Variants in DCC observed in about 807,000 individuals in gnomAD.
DCC encodes DCC netrin 1 receptor, also known as netrin receptor DCC.
A neutral mutation model predicts 172.5 loss-of-function variants in DCC; 58 were observed. The observed-to-expected ratio is 0.34, with a 90% CI of 0.27 to 0.42. DCC has a LOEUF of 0.42. DCC is among the 10% of genes least tolerant of loss of function. The pLI, the probability that DCC is intolerant of heterozygous loss-of-function variation, is 1.00. For missense variants in DCC, 1,740 were observed against 1,791.0 expected (o/e 0.97, Z 0.51); for synonymous variants, 709 against 644.5 (o/e 1.10, Z -1.52).
At chr18:53,257,652 GA>G (rs1598954489) in intron 12 of DCC, among the ~76,000 whole-genome samples, 2 of 152,036 alleles carry the variant, frequency 1.3e-5, no homozygotes, top group East Asian at 3.9e-4. Context: ...GTTCATCAGG[GA>G]TATTGGTCTA....
intron 2 of DCC, among the ~76,000 whole-genome samples, chr18:52,868,219 G>A (rs540581003): frequency 2.4e-4 from 36 of 152,088 alleles, no homozygotes; most frequent in African/African-American, 8.0e-4. Context: ...TGGTGTACTT[G>A]TTCTAATAGC....
chr18:52,675,512 C>T (rs116586054), intron 1 of DCC, among the ~76,000 whole-genome samples: 15 of 152,220 alleles, frequency 9.9e-5, no homozygotes, highest in African/African-American at 3.6e-4. Flanking sequence ...AGTCTCATGC[C>T]TCCCTAAAAT....
At chr18:52,992,838 G>C (rs185314608) in intron 5 of DCC, among the ~76,000 whole-genome samples, 94 of 152,176 alleles carry the variant, frequency 6.2e-4, no homozygotes, top group African/African-American at 2.1e-3. Flanking sequence ...AGCTGGGTGT[G>C]GTGGTACATG....
chr18:52,561,716 A>C (rs570072152), intron 1 of DCC, among the ~76,000 whole-genome samples: 1 of 152,278 alleles, frequency 6.6e-6, no homozygotes, highest in African/African-American at 2.4e-5. Flanking sequence ...CTATCATGAA[A>C]TTATATGGTG....
At chr18:52,691,763 C>T (rs955650520) in intron 1 of DCC, among the ~76,000 whole-genome samples, 1 of 152,136 alleles carries the variant, frequency 6.6e-6, no homozygotes, top group Non-Finnish European at 1.5e-5. Flanking sequence ...GTACGGGGCA[C>T]AGTTTAACTC....
At chr18:53,124,547 G>A (rs2043527958) in intron 7 of DCC, among the ~76,000 whole-genome samples, 1 of 152,068 alleles carries the variant, frequency 6.6e-6, no homozygotes, top group Admixed American at 6.6e-5. Flanking sequence ...ACATTACTTA[G>A]TTGTGGGTTA....
intron 1 of DCC, among the ~76,000 whole-genome samples, chr18:52,454,585 G>A (rs909910534): frequency 2.6e-5 from 4 of 151,646 alleles, no homozygotes; most frequent in African/African-American, 4.8e-5. Context: ...ATCAGCTTAC[G>A]GTATTAACAT....
intron 1 of DCC, among the ~76,000 whole-genome samples, chr18:52,650,784 C>T (rs10083955): frequency 0.14 from 20,926 of 152,122 alleles, 1,723 homozygotes; most frequent in Non-Finnish European, 0.19. Context: ...CAGAGACAAA[C>T]AATAAACACA....
intron 7 of DCC, among the ~76,000 whole-genome samples, chr18:53,072,447 G>C (rs1397551937): frequency 1.3e-5 from 2 of 152,182 alleles, no homozygotes; most frequent in Non-Finnish European, 2.9e-5. Flanking sequence ...CCTGGTTCTA[G>C]ATGTTGCATG....
chr18:53,020,910 G>T (rs1295863984), intron 5 of DCC, among the ~76,000 whole-genome samples: 1 of 151,272 alleles, frequency 6.6e-6, no homozygotes, highest in African/African-American at 2.4e-5. Context: ...ACCACCTCTA[G>T]ACCAATAGAA....
At chr18:53,058,630 G>C (rs1284745512) in intron 5 of DCC, among the ~76,000 whole-genome samples, 1 of 152,052 alleles carries the variant, frequency 6.6e-6, no homozygotes, top group East Asian at 1.9e-4. Flanking sequence ...GATCAAAAAA[G>C]GGAAAATTGG....
chr18:53,430,404 T>C (rs1459104102), intron 21 of DCC, among the ~76,000 whole-genome samples: 3 of 152,122 alleles, frequency 2.0e-5, no homozygotes, highest in African/African-American at 7.2e-5. Context: ...TCCACTTTTC[T>C]CCATGTCTTC....
chr18:52,584,853 T>G (rs146612772), intron 1 of DCC, among the ~76,000 whole-genome samples: 22 of 152,214 alleles, frequency 1.4e-4, no homozygotes, highest in African/African-American at 4.6e-4. Flanking sequence ...ACCACTACTT[T>G]AGGCAGTAAT....
At chr18:53,527,307 C>T (rs972230972) in intron 28 of DCC, among the ~76,000 whole-genome samples, 1 of 151,370 alleles carries the variant, frequency 6.6e-6, no homozygotes, top group African/African-American at 2.4e-5. Context: ...CAGCCCTGAA[C>T]TTCTTAGCTC....
intron 7 of DCC, among the ~76,000 whole-genome samples, chr18:53,151,624 T>C (rs1177699161): frequency 6.6e-6 from 1 of 151,886 alleles, no homozygotes; most frequent in East Asian, 1.9e-4. Context: ...AAGCATACAA[T>C]GTTATCTGGC....
intron 12 of DCC, among the ~76,000 whole-genome samples, chr18:53,237,511 T>A (rs568523681): frequency 3.9e-5 from 6 of 152,142 alleles, no homozygotes; most frequent in Non-Finnish European, 8.8e-5. Flanking sequence ...AGTAGTCATA[T>A]TGAGTGCTCA....
At chr18:53,019,083 G>A (rs534303707) in intron 5 of DCC, among the ~76,000 whole-genome samples, 6 of 152,228 alleles carry the variant, frequency 3.9e-5, no homozygotes, top group Admixed American at 3.3e-4. Flanking sequence ...ATTGGCCGCT[G>A]ACTGGGGCCA....
At chr18:53,319,425 G>A (rs777346273) in intron 13 of DCC, among the ~76,000 whole-genome samples, 10 of 151,888 alleles carry the variant, frequency 6.6e-5, no homozygotes, top group Non-Finnish European at 1.0e-4. Flanking sequence ...AATATTTACC[G>A]AGAAAATGGA....
intron 25 of DCC, among the ~76,000 whole-genome samples, chr18:53,484,420 A>G (rs144438552): frequency 8.4e-4 from 128 of 151,822 alleles, no homozygotes; most frequent in African/African-American, 2.9e-3. Context: ...TTTGCTGTGC[A>G]GAAGCTTTTT....
Sources: gnomAD v4.1 joint callset for allele counts (sites outside exome capture counted in the v4.1 genomes callset) on GRCh38, gnomAD v4.1.1 for gene constraint, MANE v1.5 for transcripts, NCBI Gene and HGNC (gene_info 2026-07-23, HGNC 2026-07-21) for gene names.